Variants in MEF2A observed in about 807,000 individuals in gnomAD.
The protein encoded by MEF2A is myocyte-specific enhancer factor 2A.
Under a neutral mutation model 55.8 loss-of-function variants are expected in MEF2A, and 28 were observed. The observed-to-expected ratio is 0.50, with a 90% CI of 0.37 to 0.69. The LOEUF (loss-of-function observed/expected upper bound fraction) is 0.69, where lower values mean the gene tolerates loss of function less well. MEF2A is among the 30% of genes least tolerant of loss of function. The pLI, the probability that MEF2A is intolerant of heterozygous loss-of-function variation, is 0.00. For synonymous variants in MEF2A, 239 were observed against 227.1 expected (o/e 1.05, Z -0.47); for missense variants, 528 against 626.2 (o/e 0.84, Z 1.67).
intron 4 of MEF2A, among the ~76,000 whole-genome samples, chr15:99,666,026 T>TG (rs1412492614): frequency 1.3e-5 from 2 of 152,274 alleles, no homozygotes; most frequent in East Asian, 3.9e-4. Flanking sequence ...GAAGACAGTG[T>TG]GGTGATTCCT....
chr15:99,633,655 T>C (rs1435194531), intron 3 of MEF2A, among the ~76,000 whole-genome samples: 1 of 152,232 alleles, frequency 6.6e-6, no homozygotes, highest in Non-Finnish European at 1.5e-5. Flanking sequence ...TTTTTAAATT[T>C]ATATATGTAC....
intron 4 of MEF2A, among the ~76,000 whole-genome samples, chr15:99,665,972 C>G (rs145500848): frequency 4.2e-4 from 64 of 152,258 alleles, no homozygotes; most frequent in Non-Finnish European, 8.7e-4. Context: ...AATGGGAACA[C>G]TTTTATACTG....
intron 7 of MEF2A, among the ~76,000 whole-genome samples, chr15:99,690,018 T>C (rs1358950097): frequency 1.3e-5 from 2 of 152,162 alleles, no homozygotes; most frequent in Non-Finnish European, 2.9e-5. Context: ...AATTGGAGGA[T>C]TTTGGATTTT....
chr15:99,584,009 C>A (rs955179041), intron 1 of MEF2A, among the ~76,000 whole-genome samples: 1 of 152,132 alleles, frequency 6.6e-6, no homozygotes, highest in Non-Finnish European at 1.5e-5. Context: ...GTCTACAAAC[C>A]TTTACAGCAT....
intron 2 of MEF2A, among the ~76,000 whole-genome samples, chr15:99,606,879 C>T (rs760267432): frequency 7.9e-5 from 12 of 152,164 alleles, no homozygotes; most frequent in East Asian, 5.8e-4. Flanking sequence ...TGTTAAAGAA[C>T]GTTGGTAGCT....
chr15:99,611,290 A>T (rs899872536), intron 2 of MEF2A, among the ~76,000 whole-genome samples: 1 of 152,188 alleles, frequency 6.6e-6, no homozygotes, highest in African/African-American at 2.4e-5. Flanking sequence ...GTATTTACAG[A>T]TCATATATTT....
Position 99,713,563 on chromosome 15 carries a change from G to GA in MEF2A, c.*793dup. The GA allele has an allele frequency of 6.6e-6, 1 of 152,252 alleles. No homozygotes were observed. The highest frequency in any genetic ancestry group is 2.4e-5 in the African/African-American group (1 of 41,546). 9.4% of individuals were successfully genotyped at this position (152,252 alleles called of 1,614,324 possible). A position where few individuals can be genotyped will look rare whatever the true frequency, so the allele number is the denominator to read the frequency against. ...TCATATCTTAAAAATTAAAGAAACT[G>GA]ATTTTAGCTCATGTATATTTTATAT... On this transcript the variant is annotated 3_prime_UTR_variant, in exon 12 of 12. Coordinates refer to ENST00000557942, the MANE Select transcript of MEF2A (RefSeq NM_001319206.4).
intron 2 of MEF2A, among the ~76,000 whole-genome samples, chr15:99,608,759 G>T (rs768002535): frequency 1.3e-5 from 2 of 152,072 alleles, no homozygotes; most frequent in African/African-American, 2.4e-5. Context: ...AAGTTAGCTG[G>T]GCGTGATGGC....
intron 2 of MEF2A, among the ~76,000 whole-genome samples, chr15:99,602,699 T>TGTGTGTGTGTG (rs59548730): frequency 2.0e-5 from 1 of 48,976 alleles, no homozygotes; most frequent in Non-Finnish European, 3.5e-5. Context: ...TGTGTGTGTG[T>TGTGTGTGTGTG]AGGGGTGGGG....
At chr15:99,627,377 G>A (rs564873533) in intron 2 of MEF2A, among the ~76,000 whole-genome samples, 3 of 117,352 alleles carry the variant, frequency 2.6e-5, no homozygotes, top group Non-Finnish European at 4.8e-5. Context: ...CCGAGATCAC[G>A]CCACTGCACT....
intron 1 of MEF2A, among the ~76,000 whole-genome samples, chr15:99,585,521 A>G (rs1966917035): frequency 6.6e-6 from 1 of 152,218 alleles, no homozygotes; most frequent in Non-Finnish European, 1.5e-5. Context: ...GATTCTAAAT[A>G]TATTCCAAAA....
intron 1 of MEF2A, among the ~76,000 whole-genome samples, chr15:99,597,702 T>C (rs1971699825): frequency 6.6e-6 from 1 of 152,180 alleles, no homozygotes; most frequent in Non-Finnish European, 1.5e-5. Context: ...ACATGTGATG[T>C]CTCCCCTGGA....
At chr15:99,665,731 CAAA>C (rs752473261) in intron 4 of MEF2A, among the ~76,000 whole-genome samples, 295 of 20,216 alleles carry the variant, frequency 0.015, no homozygotes, top group African/African-American at 0.047. Context: ...CTTAAATTTA[CAAA>C]AAAAAAAAAA....
chr15:99,583,690 T>G (rs1358373822), intron 1 of MEF2A, among the ~76,000 whole-genome samples: 1 of 152,140 alleles, frequency 6.6e-6, no homozygotes, highest in Non-Finnish European at 1.5e-5. Context: ...CTAATGAATT[T>G]GTAATTGATA....
intron 1 of MEF2A, among the ~76,000 whole-genome samples, chr15:99,576,194 T>G (rs1426756014): frequency 6.6e-6 from 1 of 152,210 alleles, no homozygotes; most frequent in Non-Finnish European, 1.5e-5. Context: ...CCTGAGAAAT[T>G]TTGAATTTAT....
chr15:99,601,494 C>T (rs1596386196), intron 2 of MEF2A, among the ~76,000 whole-genome samples: 2 of 149,754 alleles, frequency 1.3e-5, no homozygotes. Context: ...GAGTTTTTCA[C>T]CAGGTCTTGG....
chr15:99,675,683 A>G (rs1430342838), intron 7 of MEF2A, among the ~76,000 whole-genome samples: 1 of 152,238 alleles, frequency 6.6e-6, no homozygotes, highest in Non-Finnish European at 1.5e-5. Context: ...ATGTTTTCAG[A>G]GAGACTAGAA....
chr15:99,590,552 A>G (rs1043732330), intron 1 of MEF2A, among the ~76,000 whole-genome samples: 1 of 149,986 alleles, frequency 6.7e-6, no homozygotes, highest in Non-Finnish European at 1.5e-5. Flanking sequence ...TACTTGTCCT[A>G]TTTTGTGTTT....
intron 3 of MEF2A, among the ~76,000 whole-genome samples, chr15:99,634,221 CA>C (rs2043388627): frequency 6.6e-6 from 1 of 152,108 alleles, no homozygotes; most frequent in Non-Finnish European, 1.5e-5. Flanking sequence ...CTCAACTGAG[CA>C]GCCTGTAAGG....
Sources: gnomAD v4.1 joint callset for allele counts (sites outside exome capture counted in the v4.1 genomes callset) on GRCh38, gnomAD v4.1.1 for gene constraint, MANE v1.5 for transcripts, NCBI Gene and HGNC (gene_info 2026-07-23, HGNC 2026-07-21) for gene names.